The following TRHDE variants were observed in gnomAD, a reference collection of about 807,000 sequenced individuals.
The protein encoded by TRHDE is thyrotropin releasing hormone degrading enzyme.
Under a neutral mutation model 125.7 loss-of-function variants are expected in TRHDE, and 72 were observed. The ratio of observed to expected loss-of-function variants is 0.57; its 90% CI spans 0.47 to 0.70. TRHDE has a LOEUF of 0.70. Ranked by LOEUF, TRHDE falls within the 30% of genes least tolerant of loss-of-function variation. The pLI is 0.00. For missense variants in TRHDE, 1,110 were observed against 1,327.1 expected (o/e 0.84, Z 2.54); for synonymous variants, 509 against 509.1 (o/e 1.00, Z 0.00).
intron 3 of TRHDE, among the ~76,000 whole-genome samples, chr12:72,457,650 C>T (rs1875924048): frequency 6.6e-6 from 1 of 151,642 alleles, no homozygotes; most frequent in East Asian, 2.0e-4. Context: ...CATTTGGTTC[C>T]TTTGGATTAT....
At chr12:72,417,536 T>C (rs1171831615) in intron 3 of TRHDE, among the ~76,000 whole-genome samples, 1 of 152,028 alleles carries the variant, frequency 6.6e-6, no homozygotes, top group African/African-American at 2.4e-5. Flanking sequence ...ATAATATTGG[T>C]AATTTTGAAT....
intron 15 of TRHDE, among the ~76,000 whole-genome samples, chr12:72,622,583 G>A (rs184822409): frequency 2.0e-5 from 3 of 152,126 alleles, no homozygotes; most frequent in Admixed American, 2.0e-4. Context: ...GCCATTTTAT[G>A]TGCAACAGCG....
At chr12:72,301,976 T>C (rs1357056609) in intron 2 of TRHDE, among the ~76,000 whole-genome samples, 1 of 152,246 alleles carries the variant, frequency 6.6e-6, no homozygotes, top group African/African-American at 2.4e-5. Flanking sequence ...AGCATAGTGC[T>C]ACAGTGGAAA....
At chr12:72,448,403 A>T (rs986125003) in intron 3 of TRHDE, among the ~76,000 whole-genome samples, 3 of 152,122 alleles carry the variant, frequency 2.0e-5, no homozygotes, top group Non-Finnish European at 4.4e-5. Flanking sequence ...TGATAAAACA[A>T]ATTTACTTCA....
At chr12:72,448,450 TAAGC>T (rs1448408571) in intron 3 of TRHDE, among the ~76,000 whole-genome samples, 1 of 152,056 alleles carries the variant, frequency 6.6e-6, no homozygotes, top group Non-Finnish European at 1.5e-5. Context: ...GTTTGATAAA[TAAGC>T]ATTGGTTTTA....
Position 72,619,040 on chromosome 12 carries a change from TA to T in TRHDE, c.2469+7del. On this transcript the variant is annotated splice_donor_region_variant and intron_variant, in intron 13 of 18. Transcript: ENST00000261180. ...ATGGAAAACTACAACATTTTCAATG[TA>T]AAAAGATATAATTTTTCTTTCTAAT... 6.5e-7 allele frequency: 1 copy of T among 1,544,102 alleles called. No homozygotes were observed. The highest frequency in any genetic ancestry group is 8.7e-7 in the Non-Finnish European group (1 of 1,149,178).
chr12:72,230,796 TA>T (rs1211476705), intron 2 of TRHDE, among the ~76,000 whole-genome samples: 1 of 152,148 alleles, frequency 6.6e-6, no homozygotes, highest in African/African-American at 2.4e-5. Flanking sequence ...AATATGCTTA[TA>T]AAAGTTGGTT....
chr12:72,448,072 G>T (rs1223482338), intron 3 of TRHDE, among the ~76,000 whole-genome samples: 1 of 152,052 alleles, frequency 6.6e-6, no homozygotes, highest in Non-Finnish European at 1.5e-5. Context: ...CTCTTTACAA[G>T]TGTATTTGTT....
chr12:72,498,883 C>T (rs528503505), intron 5 of TRHDE, among the ~76,000 whole-genome samples: 4 of 152,022 alleles, frequency 2.6e-5, no homozygotes, highest in African/African-American at 9.6e-5. Context: ...TCCCAAATAA[C>T]ACCCACCAGT....
chr12:72,509,014 G>A (rs1160071619), intron 6 of TRHDE, among the ~76,000 whole-genome samples: 3 of 152,072 alleles, frequency 2.0e-5, no homozygotes, highest in Non-Finnish European at 4.4e-5. Context: ...ATGGAACTGT[G>A]AGCCAATTAA....
intron 2 of TRHDE, 78 bp downstream of exon 2, chr12:72,287,032 G>A (rs1879915620): frequency 1.4e-6 from 2 of 1,457,882 alleles, no homozygotes; most frequent in East Asian, 2.3e-5. Context: ...TTAACAGTGA[G>A]TCATTTCTAA....
chr12:72,102,832 G>T (rs143513296), intron 1 of TRHDE, among the ~76,000 whole-genome samples: 12 of 152,334 alleles, frequency 7.9e-5, no homozygotes, highest in African/African-American at 2.6e-4. Context: ...AGGGCTTGTT[G>T]CCCCAGTTGG....
chr12:72,302,696 G>C (rs958481657), intron 2 of TRHDE, among the ~76,000 whole-genome samples: 2 of 152,062 alleles, frequency 1.3e-5, no homozygotes, highest in African/African-American at 2.4e-5. Flanking sequence ...CAGACACAGG[G>C]GTGTCTCTTT....
chr12:72,448,670 AAGTGTCTT>A lies in TRHDE; in HGVS notation c.1316-21085_1316-21078del, dbSNP rs143736386. Among the ~76,000 whole-genome samples, 656 of 152,090 alleles carry A rather than the reference AAGTGTCTT, an allele frequency of 4.3e-3. 7 individuals are homozygous for A. Among genetic ancestry groups the A allele is most frequent in the Non-Finnish European group, 4.2e-3 (288 of 67,920 alleles). ...TAAGAATTACAACTTACTATCTCTAAAGTGTCTTAGAGTATGTAAAATGCTATTACAGG... is the reference window on the plus strand; with the variant it reads ...TAAGAATTACAACTTACTATCTCTAAAGAGTATGTAAAATGCTATTACAGG... On this transcript the variant is annotated intron_variant, in intron 3 of 18. Coordinates refer to ENST00000261180, the MANE Select transcript of TRHDE (RefSeq NM_013381.3).
intron 2 of TRHDE, among the ~76,000 whole-genome samples, chr12:72,215,076 G>T (rs949241297): frequency 3.9e-5 from 6 of 152,142 alleles, no homozygotes; most frequent in African/African-American, 1.2e-4. Flanking sequence ...AATCACCTGG[G>T]TGCAGGTGGG....
chr12:72,185,196 G>A (rs1384508148), intron 2 of TRHDE, among the ~76,000 whole-genome samples: 2 of 152,232 alleles, frequency 1.3e-5, no homozygotes, highest in Admixed American at 6.5e-5. Flanking sequence ...CGGGCCAGTG[G>A]CTCCGGAGGG....
intron 2 of TRHDE, among the ~76,000 whole-genome samples, chr12:72,328,264 G>A (rs1162086319): frequency 2.0e-5 from 3 of 152,126 alleles, no homozygotes; most frequent in African/African-American, 7.2e-5. Flanking sequence ...GGCATTCAAG[G>A]ACAATTAAAA....
chr12:72,562,847 G>T lies in TRHDE; in HGVS notation c.1855-6G>T. On this transcript the variant is annotated splice_polypyrimidine_tract_variant and splice_region_variant and intron_variant, in intron 8 of 18. Coordinates refer to ENST00000261180, the MANE Select transcript of TRHDE (RefSeq NM_013381.3). The stretch of plus-strand genomic sequence containing the variant: ...AAAACTAATTTGTACATTTTTCCTT[G>T]TGAAGGCTTTAAAAAGAAATGGGAA... 4 of 1,535,232 alleles carry T rather than the reference G, an allele frequency of 2.6e-6. No individual in the cohort carries two copies. Among genetic ancestry groups the T allele is most frequent in the African/African-American group, 1.4e-5 (1 of 71,682 alleles).
intron 2 of TRHDE, among the ~76,000 whole-genome samples, chr12:72,124,195 A>G (rs1875659432): frequency 6.6e-6 from 1 of 152,280 alleles, no homozygotes; most frequent in South Asian, 2.1e-4. Flanking sequence ...AAGCCATATA[A>G]TTAAGGTCAC....
Sources: allele counts gnomAD v4.1 joint callset (sites outside exome capture counted in the v4.1 genomes callset), GRCh38; gene constraint gnomAD v4.1.1; transcripts MANE v1.5; gene names NCBI Gene and HGNC (gene_info 2026-07-23, HGNC 2026-07-21).